PAM: variants seen among roughly 807,000 people sequenced by gnomAD.
PAM encodes peptidylglycine alpha-amidating monooxygenase, also known as peptidyl-glycine alpha-amidating monooxygenase.
PAM carries 72 observed loss-of-function variants against 122.1 expected under a neutral mutation model. That is an observed-to-expected ratio of 0.59 (90% CI 0.49 to 0.72). The LOEUF is 0.72. PAM is among the 30% of genes least tolerant of loss of function. The pLI is 0.00. For missense variants in PAM, 1,106 were observed against 1,183.7 expected, an observed-to-expected ratio of 0.93 and a Z score of 0.96; for synonymous variants, 389 against 404.4, an observed-to-expected ratio of 0.96 and a Z score of 0.46.
chr5:102,822,624 A>G (rs903775471), intron 1 of PAM, among the ~76,000 whole-genome samples: 22 of 152,254 alleles, frequency 1.4e-4, no homozygotes, highest in African/African-American at 5.3e-4. Flanking sequence ...AGGACCTGCT[A>G]TACTCTGGTG....
chr5:102,910,033 A>G (rs565816975), intron 4 of PAM, among the ~76,000 whole-genome samples: 37 of 151,902 alleles, frequency 2.4e-4, no homozygotes, highest in African/African-American at 8.9e-4. Context: ...ATATCTCCAA[A>G]ATTGCTGGTT....
chr5:102,823,666 T>G (rs185478735), intron 1 of PAM, among the ~76,000 whole-genome samples: 1 of 152,348 alleles, frequency 6.6e-6, no homozygotes, highest in East Asian at 1.9e-4. Flanking sequence ...TTTTATTCCA[T>G]GGGCATTTTC....
chr5:102,897,673 A>G (rs1796585427), intron 3 of PAM, among the ~76,000 whole-genome samples: 2 of 151,614 alleles, frequency 1.3e-5, no homozygotes, highest in South Asian at 4.1e-4. Flanking sequence ...ACCAGATAAA[A>G]CTGCATCATG....
chr5:102,961,049 C>T (rs1762342585), intron 13 of PAM, 109 bp from the exon 14 acceptor site: 5 of 587,056 alleles, frequency 8.5e-6, no homozygotes, highest in South Asian at 8.2e-5. Context: ...CGGTAATAAG[C>T]ACAAGACCCT....
chr5:102,933,564 T>A (rs1160660179), intron 7 of PAM, among the ~76,000 whole-genome samples: 1 of 152,228 alleles, frequency 6.6e-6, no homozygotes, highest in Non-Finnish European at 1.5e-5. Flanking sequence ...AATACACATG[T>A]ATCCATACAA....
chr5:102,768,747 A>G (rs1754902413), intron 1 of PAM, among the ~76,000 whole-genome samples: 1 of 152,188 alleles, frequency 6.6e-6, no homozygotes, highest in Non-Finnish European at 1.5e-5. Flanking sequence ...CTGTTGATGG[A>G]TACTTAGGTT....
At chr5:102,900,254 T>TGTGGG (rs777616737) in intron 3 of PAM, among the ~76,000 whole-genome samples, 43 of 26,992 alleles carry the variant, frequency 1.6e-3, no homozygotes, top group East Asian at 9.3e-3. Flanking sequence ...TGTGTGTGTG[T>TGTGGG]GGGGGGGGGG....
At chr5:102,791,054 G>A (rs1226510465) in intron 1 of PAM, among the ~76,000 whole-genome samples, 1 of 152,004 alleles carries the variant, frequency 6.6e-6, no homozygotes, top group African/African-American at 2.4e-5. Flanking sequence ...ATTTTCTCCT[G>A]TCACTAAATG....
chr5:102,787,285 T>C (rs976323737), intron 1 of PAM, among the ~76,000 whole-genome samples: 2 of 152,066 alleles, frequency 1.3e-5, no homozygotes, highest in Admixed American at 6.6e-5. Context: ...ACACAGCTCT[T>C]CTGACTTGAG....
At chr5:102,955,809 G>C (rs1530082) in intron 12 of PAM, among the ~76,000 whole-genome samples, 1 of 151,230 alleles carries the variant, frequency 6.6e-6, no homozygotes, top group Non-Finnish European at 1.5e-5. Flanking sequence ...TGTTGATCTC[G>C]GTGGAAATTA....
chr5:102,975,985 T>A (rs1349017008), intron 15 of PAM, among the ~76,000 whole-genome samples: 2 of 152,168 alleles, frequency 1.3e-5, no homozygotes, highest in African/African-American at 4.8e-5. Context: ...AAATAAATCC[T>A]TAAAATACCC....
chr5:102,829,509 C>G (rs1331195315), intron 1 of PAM, among the ~76,000 whole-genome samples: 2 of 151,924 alleles, frequency 1.3e-5, no homozygotes, highest in Non-Finnish European at 2.9e-5. Context: ...GTAGCTGGGA[C>G]TACAGGTGCC....
intron 1 of PAM, among the ~76,000 whole-genome samples, chr5:102,852,696 A>G (rs1278849521): frequency 6.6e-6 from 1 of 152,192 alleles, no homozygotes; most frequent in Non-Finnish European, 1.5e-5. Flanking sequence ...AAATTTATGC[A>G]TATATGCTGA....
At chr5:102,778,055 G>A (rs1474602920) in intron 1 of PAM, among the ~76,000 whole-genome samples, 4 of 152,078 alleles carry the variant, frequency 2.6e-5, no homozygotes, top group Non-Finnish European at 5.9e-5. Context: ...GCCTGCTAGA[G>A]ATCAAGTAAG....
chr5:102,818,841 A>G (rs1435367751), intron 1 of PAM, among the ~76,000 whole-genome samples: 3 of 152,168 alleles, frequency 2.0e-5, no homozygotes, highest in Non-Finnish European at 2.9e-5. Flanking sequence ...GCACTTGATA[A>G]ATGCTTCTTG....
chr5:102,801,241 T>C (rs1316887014), intron 1 of PAM, among the ~76,000 whole-genome samples: 1 of 152,102 alleles, frequency 6.6e-6, no homozygotes, highest in East Asian at 1.9e-4. Flanking sequence ...ATAAAACAGG[T>C]TTTCTTGTAA....
intron 15 of PAM, among the ~76,000 whole-genome samples, chr5:102,986,104 T>C (rs1252280171): frequency 6.6e-6 from 1 of 152,136 alleles, no homozygotes; most frequent in East Asian, 1.9e-4. Flanking sequence ...AAAGTCCCCG[T>C]AGAGCAAACC....
intron 14 of PAM, among the ~76,000 whole-genome samples, chr5:102,964,392 G>A (rs543863095): frequency 6.6e-6 from 1 of 151,900 alleles, no homozygotes; most frequent in Non-Finnish European, 1.5e-5. Context: ...GCTCTCTGTA[G>A]AACAAAATCT....
intron 7 of PAM, among the ~76,000 whole-genome samples, chr5:102,943,152 G>C (rs766189508): frequency 6.6e-6 from 1 of 152,078 alleles, no homozygotes; most frequent in East Asian, 1.9e-4. Flanking sequence ...CGGTTAATCT[G>C]TCTTTTTATT....
Sources: gnomAD v4.1 joint callset for allele counts (sites outside exome capture counted in the v4.1 genomes callset) on GRCh38, gnomAD v4.1.1 for gene constraint, MANE v1.5 for transcripts, NCBI Gene and HGNC (gene_info 2026-07-23, HGNC 2026-07-21) for gene names.